DLG2: variants seen among roughly 807,000 people sequenced by gnomAD.
DLG2 encodes discs large MAGUK scaffold protein 2, also known as disks large homolog 2.
A neutral mutation model predicts 132.5 loss-of-function variants in DLG2; 45 were observed. The observed-to-expected ratio is 0.34, with a 90% CI of 0.27 to 0.44. DLG2 has a LOEUF of 0.44. Ranked by LOEUF, DLG2 falls within the 20% of genes least tolerant of loss-of-function variation. The pLI is 1.00. For synonymous variants in DLG2, 424 were observed against 419.6 expected (o/e 1.01, Z -0.13); for missense variants, 1,045 against 1,196.9 (o/e 0.87, Z 1.87).
chr11:85,193,149 C>T lies in DLG2; in HGVS notation c.187-38498G>A, dbSNP rs945887160. 5.9e-5 allele frequency among the ~76,000 whole-genome samples: 9 copies of T among 152,228 alleles called. No individual in the cohort carries two copies. In the East Asian group the frequency reaches 1.5e-3, roughly 26 times the overall value. ...TTCTATCTCTATGAATTTGCCTATT[C>T]TGGAATTTTATAAATTGAATCATAT... is the stretch of plus-strand genomic sequence containing the variant. On this transcript the variant is annotated intron_variant, in intron 4 of 27. Transcript: ENST00000376104.
rs867290650 is a variant in DLG2, at chr11:84,361,364, G to A, written c.520-110073C>T. Among the ~76,000 whole-genome samples the A allele has an allele frequency of 1.8e-4, 27 of 151,946 alleles. No homozygotes were observed. In the Middle Eastern group the frequency reaches 0.014, roughly 77 times the overall value. The stretch of plus-strand genomic sequence containing the variant: ...AAAGAAAAAGCTTACTTTCCATAAA[G>A]AACAAAGGATGACAGCAACCCCTCC... On this transcript the variant is annotated intron_variant, in intron 7 of 27. Transcript: ENST00000376104.
chr11:84,979,496 T>C (rs140083324), intron 6 of DLG2, among the ~76,000 whole-genome samples: 1,636 of 152,286 alleles, frequency 0.011, 40 homozygotes, highest in African/African-American at 0.037. Flanking sequence ...GATGAGTTCA[T>C]GTTCTTTGTA....
intron 6 of DLG2, chr11:84,923,228 A>G (rs1398129957): frequency 2.6e-6 from 4 of 1,566,526 alleles, no homozygotes; most frequent in Non-Finnish European, 2.6e-6. Context: ...TCCCTCTGTC[A>G]GTTTGAAAAT....
intron 7 of DLG2, among the ~76,000 whole-genome samples, chr11:84,465,664 T>G (rs1221525010): frequency 6.6e-6 from 1 of 151,300 alleles, no homozygotes; most frequent in African/African-American, 2.4e-5. Flanking sequence ...AATAACACTT[T>G]TAACAAAATA....
intron 6 of DLG2, among the ~76,000 whole-genome samples, chr11:85,010,573 G>C (rs1041076608): frequency 6.6e-6 from 1 of 152,020 alleles, no homozygotes. Context: ...TTTTCTTCTA[G>C]TATTATTTCT....
At chr11:84,754,666 A>C (rs1446232376) in intron 6 of DLG2, among the ~76,000 whole-genome samples, 1 of 152,200 alleles carries the variant, frequency 6.6e-6, no homozygotes, top group Non-Finnish European at 1.5e-5. Flanking sequence ...AGAATAAAGG[A>C]ATTTTAAGAC....
At chr11:83,689,778 A>G (rs1206501372) in intron 18 of DLG2, among the ~76,000 whole-genome samples, 1 of 151,706 alleles carries the variant, frequency 6.6e-6, no homozygotes, top group Non-Finnish European at 1.5e-5. Flanking sequence ...ATTGGGATAT[A>G]TTCATCTGTT....
At chr11:85,061,647 T>G (rs913852351) in intron 6 of DLG2, among the ~76,000 whole-genome samples, 1 of 151,860 alleles carries the variant, frequency 6.6e-6, no homozygotes, top group Non-Finnish European at 1.5e-5. Context: ...ATACATAATT[T>G]TAAACTTCTC....
chr11:84,405,495 T>A (rs1471218858), intron 7 of DLG2, among the ~76,000 whole-genome samples: 3 of 152,234 alleles, frequency 2.0e-5, no homozygotes, highest in African/African-American at 7.2e-5. Flanking sequence ...TGCCTTCCTA[T>A]AAGTTTTGGT....
chr11:83,695,765 A>G (rs376704447), intron 18 of DLG2, among the ~76,000 whole-genome samples: 1 of 152,204 alleles, frequency 6.6e-6, no homozygotes, highest in East Asian at 1.9e-4. Flanking sequence ...CAAAAAAAGA[A>G]AATCCCCTGT....
chr11:84,492,387 G>T (rs781709973), intron 7 of DLG2, among the ~76,000 whole-genome samples: 64 of 152,206 alleles, frequency 4.2e-4, no homozygotes, highest in Non-Finnish European at 5.9e-4. Context: ...TCTTTCTTTA[G>T]AATGCACAGG....
chr11:84,655,332 A>G (rs181949036), intron 6 of DLG2, among the ~76,000 whole-genome samples: 4 of 152,170 alleles, frequency 2.6e-5, no homozygotes, highest in African/African-American at 7.2e-5. Flanking sequence ...GAATGCAAAC[A>G]TACTTTGACT....
At chr11:84,238,411 A>G (rs2097186449) in intron 8 of DLG2, among the ~76,000 whole-genome samples, 1 of 152,070 alleles carries the variant, frequency 6.6e-6, no homozygotes, top group Non-Finnish European at 1.5e-5. Flanking sequence ...GCTACTTGTG[A>G]GGCTGAACTG....
intron 16 of DLG2, among the ~76,000 whole-genome samples, chr11:83,843,020 T>C (rs2057945727): frequency 6.6e-6 from 1 of 152,144 alleles, no homozygotes; most frequent in South Asian, 2.1e-4. Flanking sequence ...CTAAAGAACA[T>C]ATCTTACCAT....
At chr11:83,768,213 T>C (rs780166848) in intron 18 of DLG2, among the ~76,000 whole-genome samples, 1 of 152,188 alleles carries the variant, frequency 6.6e-6, no homozygotes, top group East Asian at 1.9e-4. Context: ...CTCAGCAACA[T>C]CTTTTATATA....
intron 3 of DLG2, among the ~76,000 whole-genome samples, chr11:85,412,444 T>C (rs992654552): frequency 6.6e-6 from 1 of 151,538 alleles, no homozygotes. Flanking sequence ...TAGTCGCGAT[T>C]TGTGAGATTT....
chr11:84,096,359 A>T (rs1210723420), intron 10 of DLG2, among the ~76,000 whole-genome samples: 1 of 152,178 alleles, frequency 6.6e-6, no homozygotes, highest in African/African-American at 2.4e-5. Context: ...TATCAATATT[A>T]TCTTTTCAAC....
chr11:84,136,588 T>C (rs1198142969), intron 9 of DLG2, among the ~76,000 whole-genome samples: 2 of 152,110 alleles, frequency 1.3e-5, no homozygotes, highest in Non-Finnish European at 2.9e-5. Flanking sequence ...ATATGTAACA[T>C]GTTAATAGTA....
At chr11:85,249,571 G>A (rs1391201548) in intron 4 of DLG2, among the ~76,000 whole-genome samples, 2 of 152,012 alleles carry the variant, frequency 1.3e-5, no homozygotes, top group Non-Finnish European at 2.9e-5. Context: ...AGAGTGCTGA[G>A]AACAAGTATC....
Sources: allele counts gnomAD v4.1 joint callset (sites outside exome capture counted in the v4.1 genomes callset), GRCh38; gene constraint gnomAD v4.1.1; transcripts MANE v1.5; gene names NCBI Gene and HGNC (gene_info 2026-07-23, HGNC 2026-07-21).